Variants in NDE1 observed in about 807,000 individuals in gnomAD.
The protein encoded by NDE1 is nudE neurodevelopment protein 1, also known as nuclear distribution protein nudE homolog 1.
NDE1 carries 28 observed loss-of-function variants against 43.4 expected under a neutral mutation model. That is an observed-to-expected ratio of 0.65 (90% CI 0.48 to 0.89). NDE1 has a LOEUF of 0.89. Among genes scored for constraint, NDE1 ranks in the 40% least tolerant of loss-of-function variants. The pLI is 0.00. For synonymous variants in NDE1, 184 were observed against 172.0 expected, an observed-to-expected ratio of 1.07 and a Z score of -0.55; for missense variants, 441 against 434.1, an observed-to-expected ratio of 1.02 and a Z score of -0.14.
At chr16:15,652,476 G>A (rs1229438738) in intron 1 of NDE1, among the ~76,000 whole-genome samples, 10 of 152,194 alleles carry the variant, frequency 6.6e-5, no homozygotes, top group Admixed American at 3.3e-4. Context: ...CGTGCACCTC[G>A]TGCAATGGAT....
intron 8 of NDE1, chr16:15,701,267 CTG>C (rs2039211804): frequency 6.6e-6 from 1 of 151,336 alleles, no homozygotes; most frequent in East Asian, 1.9e-4. Context: ...TCATAAACCT[CTG>C]AGACTGTAGC....
chr16:15,711,474 G>A (rs181648289), intron 8 of NDE1, among the ~76,000 whole-genome samples: 41 of 152,200 alleles, frequency 2.7e-4, no homozygotes, highest in Non-Finnish European at 5.1e-4. Flanking sequence ...TACTTTCATC[G>A]TAACCAGTTG....
chr16:15,707,529 T>C (rs2039520944), intron 8 of NDE1, among the ~76,000 whole-genome samples: 1 of 152,324 alleles, frequency 6.6e-6, no homozygotes, highest in East Asian at 1.9e-4. Context: ...GAAACTCATC[T>C]GCTCCCCCAC....
chr16:15,710,242 G>T (rs377127833), intron 8 of NDE1, among the ~76,000 whole-genome samples: 2 of 152,304 alleles, frequency 1.3e-5, no homozygotes, highest in African/African-American at 4.8e-5. Context: ...CACTGGGCCG[G>T]CCGGGCATGG....
At chr16:15,699,059 T>G (rs931032965) in intron 8 of NDE1, among the ~76,000 whole-genome samples, 1 of 151,568 alleles carries the variant, frequency 6.6e-6, no homozygotes. Context: ...TAATTTTTTT[T>G]ATATTTTATA....
rs927877187 is a variant in NDE1 at position 15,725,025 on chromosome 16, C to T, written c.*774C>T. On this transcript the variant is annotated 3_prime_UTR_variant, in exon 9 of 9. Transcript: ENST00000396354. ...TGCCAAGAGACTGGTTAGTCAAAGC[C>T]TCTAGAAGGGGATCCTCGTTGAAAG... 1 of 1,588,556 alleles carries T rather than the reference C, an allele frequency of 6.3e-7. No individual in the cohort carries two copies. The highest frequency in any genetic ancestry group is 1.3e-5 in the African/African-American group (1 of 74,362).
intron 8 of NDE1, chr16:15,721,608 A>G (rs770874762): frequency 6.2e-7 from 1 of 1,614,104 alleles, no homozygotes; most frequent in Non-Finnish European, 8.5e-7. Flanking sequence ...CGTATTTGGA[A>G]GAGATGTTTT....
chr16:15,718,273 A>G (rs948501309), intron 8 of NDE1: 1 of 1,605,216 alleles, frequency 6.2e-7, no homozygotes. Context: ...GCTGCAGGAG[A>G]GACAGTAGGC....
intron 1 of NDE1, among the ~76,000 whole-genome samples, chr16:15,658,764 C>T (rs1049603846): frequency 5.3e-5 from 8 of 152,162 alleles, no homozygotes; most frequent in African/African-American, 1.9e-4. Flanking sequence ...TCAAGCGATT[C>T]TCATGCCTTA....
In NDE1 at chr16:15,724,957, C is replaced by T; in HGVS notation, c.*706C>T. 6.2e-7 allele frequency: 1 copy of T among 1,614,108 alleles called. No individual in the cohort carries two copies. Among genetic ancestry groups the T allele is most frequent in the Non-Finnish European group, 8.5e-7 (1 of 1,180,038 alleles). Reference sequence around the variant, plus strand: ...CCAGCTTAATGGCCTTCCCCTCGGCCTCGTTAAGCATCCCTGTGACGCTCT... The same window carrying T: ...CCAGCTTAATGGCCTTCCCCTCGGCTTCGTTAAGCATCCCTGTGACGCTCT... On this transcript the variant is annotated 3_prime_UTR_variant, in exon 9 of 9. Coordinates refer to ENST00000396354, the MANE Select transcript of NDE1 (RefSeq NM_017668.3).
chr16:15,706,564 G>T (rs554951157), intron 8 of NDE1, among the ~76,000 whole-genome samples: 3 of 152,178 alleles, frequency 2.0e-5, no homozygotes, highest in Admixed American at 2.0e-4. Context: ...TAAATTAGCC[G>T]TGCGTGGTGG....
intron 8 of NDE1, chr16:15,699,640 A>ATG: frequency 7.8e-7 from 1 of 1,278,452 alleles, no homozygotes; most frequent in Non-Finnish European, 1.0e-6. Context: ...CTGACTCTTG[A>ATG]TGTTCACCCT....
intron 1 of NDE1, among the ~76,000 whole-genome samples, chr16:15,658,478 T>C (rs577823013): frequency 6.6e-6 from 1 of 152,266 alleles, no homozygotes; most frequent in East Asian, 1.9e-4. Flanking sequence ...AGGTCGTGAA[T>C]AGGCATATGC....
At chr16:15,720,233 C>A in intron 8 of NDE1, 1 of 1,614,124 alleles carries the variant, frequency 6.2e-7, no homozygotes, top group East Asian at 2.2e-5. Flanking sequence ...TTTCAGGTCC[C>A]CTTCCAGCTT....
chr16:15,710,241 G>A (rs1025574358), intron 8 of NDE1, among the ~76,000 whole-genome samples: 10 of 152,066 alleles, frequency 6.6e-5, no homozygotes, highest in African/African-American at 1.7e-4. Context: ...TCACTGGGCC[G>A]GCCGGGCATG....
chr16:15,696,582 C>A, intron 7 of NDE1, 127 bp from the exon 8 acceptor site: 1 of 1,553,990 alleles, frequency 6.4e-7, no homozygotes, highest in South Asian at 1.2e-5. Context: ...CTTGGGGTCC[C>A]ACCTTGGAAT....
In NDE1 at chr16:15,677,809, T is replaced by G; in HGVS notation, c.246T>G (p.Phe82Leu). The change falls in exon 4 of 9, where the codon TTT becomes TTG. Residue 82 changes from phenylalanine to leucine, a missense_variant. Physicochemically the swap from Phe to Leu is conservative, Grantham distance 22. Transcript: ENST00000396354. Reference protein sequence around the residue: ...RMELETIKEKFEVQHSEGYRQ... With the variant: ...RMELETIKEKLEVQHSEGYRQ... The stretch of plus-strand genomic sequence containing the variant: ...TCTGTGTTGTCCTTCAGGAGAAGTT[T>G]GAAGTGCAGCACTCTGAAGGCTACC... 6.2e-7 allele frequency: 1 copy of G among 1,614,084 alleles called. No individual in the cohort carries two copies. The highest frequency in any genetic ancestry group is 1.1e-5 in the South Asian group (1 of 91,088).
chr16:15,714,847 G>C, intron 8 of NDE1: 2 of 1,599,802 alleles, frequency 1.3e-6, no homozygotes, highest in Non-Finnish European at 1.7e-6. Context: ...AAAGGAGCCC[G>C]AGCCCCCAGT....
chr16:15,653,136 G>A (rs1018132355), intron 1 of NDE1, among the ~76,000 whole-genome samples: 2 of 152,020 alleles, frequency 1.3e-5, no homozygotes, highest in Non-Finnish European at 2.9e-5. Flanking sequence ...AAACAAAAAT[G>A]GGCACCCATT....
Sources: gnomAD v4.1 joint callset for allele counts (sites outside exome capture counted in the v4.1 genomes callset) on GRCh38, gnomAD v4.1.1 for gene constraint, MANE v1.5 for transcripts, NCBI Gene and HGNC (gene_info 2026-07-23, HGNC 2026-07-21) for gene names.